Variants in RUNDC3B observed in about 807,000 individuals in gnomAD.
The protein encoded by RUNDC3B is RUN domain containing 3B.
Under a neutral mutation model 58.4 loss-of-function variants are expected in RUNDC3B, and 33 were observed. The ratio of observed to expected loss-of-function variants is 0.56; its 90% confidence interval spans 0.43 to 0.75. The LOEUF is 0.75. Among genes scored for constraint, RUNDC3B ranks in the 30% least tolerant of loss-of-function variants. The probability of loss-of-function intolerance (pLI) is 0.00; values close to 1 mark genes in which losing one functional copy is unlikely to be tolerated. For synonymous variants in RUNDC3B, 193 were observed against 195.2 expected, an observed-to-expected ratio of 0.99 and a Z score of 0.10; for missense variants, 501 against 535.7, an observed-to-expected ratio of 0.94 and a Z score of 0.64.
chr7:87,698,275 C>T (rs1021339666), intron 2 of RUNDC3B, among the ~76,000 whole-genome samples: 1 of 151,952 alleles, frequency 6.6e-6, no homozygotes, highest in Non-Finnish European at 1.5e-5. Flanking sequence ...AATTTCTTTG[C>T]ACTTTTAGTA....
At chr7:87,720,947 A>C in intron 4 of RUNDC3B, among the ~76,000 whole-genome samples, 1 of 318 alleles carries the variant, frequency 3.1e-3, no homozygotes, top group Non-Finnish European at 7.8e-3. Flanking sequence ...AAAATTAGCT[A>C]TTTTAACTAT....
At chr7:87,754,562 C>T (rs556375577) in intron 6 of RUNDC3B, among the ~76,000 whole-genome samples, 1 of 152,230 alleles carries the variant, frequency 6.6e-6, no homozygotes, top group East Asian at 1.9e-4. Context: ...CACCCCAAAG[C>T]TAGCAAAAGA....
chr7:87,696,625 T>G (rs891937290), intron 2 of RUNDC3B, among the ~76,000 whole-genome samples: 1 of 152,074 alleles, frequency 6.6e-6, no homozygotes, highest in Non-Finnish European at 1.5e-5. Flanking sequence ...ATGTGAAAAA[T>G]TCAGTGTCTT....
chr7:87,815,912 ACT>A (rs1837002904), intron 9 of RUNDC3B, among the ~76,000 whole-genome samples: 3 of 151,610 alleles, frequency 2.0e-5, no homozygotes, highest in African/African-American at 7.3e-5. Context: ...TGTCTGACAA[ACT>A]CTTTTTTTTT....
At chr7:87,742,454 T>C (rs1334403111) in intron 6 of RUNDC3B, among the ~76,000 whole-genome samples, 2 of 152,134 alleles carry the variant, frequency 1.3e-5, no homozygotes, top group Admixed American at 6.5e-5. Context: ...GAATATACGA[T>C]GTTTGGTTTT....
intron 7 of RUNDC3B, among the ~76,000 whole-genome samples, chr7:87,773,930 G>A (rs545566914): frequency 6.6e-6 from 1 of 152,072 alleles, no homozygotes; most frequent in South Asian, 2.1e-4. Context: ...TGCCCAACTC[G>A]GCCTCCCAAA....
chr7:87,730,297 G>T (rs767887947), intron 4 of RUNDC3B, among the ~76,000 whole-genome samples: 62 of 152,204 alleles, frequency 4.1e-4, no homozygotes, highest in Middle Eastern at 3.4e-3. Flanking sequence ...CCAGTTCTAG[G>T]CCCTGGCTCT....
At chr7:87,753,542 A>T (rs976240475) in intron 6 of RUNDC3B, among the ~76,000 whole-genome samples, 2 of 152,174 alleles carry the variant, frequency 1.3e-5, no homozygotes, top group African/African-American at 4.8e-5. Context: ...GACTTACTTT[A>T]TGAATCTGGG....
chr7:87,709,636 A>G (rs1035495079), intron 3 of RUNDC3B: 10 of 427,418 alleles, frequency 2.3e-5, no homozygotes, highest in Non-Finnish European at 2.8e-5. Flanking sequence ...TTCCTATCCC[A>G]TAGTTTGGTG....
Position 87,690,593 on chromosome 7 carries a change from A to G in RUNDC3B, c.239-9828A>G, listed in dbSNP as rs191568480. On this transcript the variant is annotated intron_variant, in intron 2 of 10. Transcript: ENST00000394654. ...TGTTAAAAGATGAAAAATGCTGTATAAAAGATAGTCTCATTGTTAGCTGAA... is the reference window on the plus strand; with the variant it reads ...TGTTAAAAGATGAAAAATGCTGTATGAAAGATAGTCTCATTGTTAGCTGAA... Among the ~76,000 whole-genome samples the G allele has an allele frequency of 3.5e-4, 53 of 152,296 alleles. 1 individual carries two copies. The East Asian group carries it at 8.7e-3, about 25-fold the overall frequency.
chr7:87,717,897 T>C (rs1441421540), intron 4 of RUNDC3B, among the ~76,000 whole-genome samples: 1 of 152,044 alleles, frequency 6.6e-6, no homozygotes, highest in African/African-American at 2.4e-5. Context: ...AAAAGAAAAT[T>C]ATAGACAAAT....
Position 87,830,034 on chromosome 7 carries a change from T to C in RUNDC3B, c.*4T>C. 6.4e-7 allele frequency: 1 copy of C among 1,562,192 alleles called. No individual in the cohort carries two copies. Among genetic ancestry groups the C allele is most frequent in the South Asian group, 1.2e-5 (1 of 81,962 alleles). On this transcript the variant is annotated 3_prime_UTR_variant, in exon 11 of 11. Transcript: ENST00000394654. ...TCCAGGCCTAACTCCATCCTGAAAA[T>C]TTTTGTGTAAAAGCCAAAACTTTTT...
At chr7:87,767,091 GT>G (rs1225196204) in intron 6 of RUNDC3B, among the ~76,000 whole-genome samples, 1 of 151,972 alleles carries the variant, frequency 6.6e-6, no homozygotes, top group African/African-American at 2.4e-5. Flanking sequence ...TTCAAGTTCT[GT>G]TTGGTTTTTA....
rs571043966 is a variant in RUNDC3B at position 87,691,734 on chromosome 7, T to A, written c.239-8687T>A. Among the ~76,000 whole-genome samples, 91 of 152,280 alleles carry A rather than the reference T, an allele frequency of 6.0e-4. 1 individual carries two copies. The highest frequency in any genetic ancestry group is 2.2e-3 in the African/African-American group (90 of 41,570). ...TTTCACTACCTCATGTTTTTCCCCC[T>A]TCTTTCTGGGGTTGTCAGTGAGAAC... On this transcript the variant is annotated intron_variant, in intron 2 of 10. Transcript: ENST00000394654.
At chr7:87,732,250 T>A (rs1269211042) in intron 4 of RUNDC3B, among the ~76,000 whole-genome samples, 1 of 152,016 alleles carries the variant, frequency 6.6e-6, no homozygotes, top group Non-Finnish European at 1.5e-5. Flanking sequence ...GTGGTATTCC[T>A]CAAAAGCAGT....
rs543862428 is a variant in RUNDC3B, at chr7:87,655,344, A to AT, written c.238+4408dup. ...TAATTGTCCATCTACTGATGAGTCG[A>AT]TAAAAAAAAAGTTGCGTATATAAAC... is the stretch of plus-strand genomic sequence containing the variant. On this transcript the variant is annotated intron_variant, in intron 2 of 10. Coordinates refer to ENST00000394654, the MANE Select transcript of RUNDC3B (RefSeq NM_001134405.2). Among the ~76,000 whole-genome samples the AT allele has an allele frequency of 2.6e-4, 39 of 152,238 alleles. No homozygotes were observed. In the East Asian group the frequency reaches 7.0e-3, roughly 27 times the overall value.
At chr7:87,694,107 T>C in intron 2 of RUNDC3B, 3 of 1,445,946 alleles carry the variant, frequency 2.1e-6, no homozygotes, top group Non-Finnish European at 2.7e-6. Context: ...TTTGTTTTTT[T>C]TTTTTAATCC....
In RUNDC3B at chr7:87,715,189, TTA is replaced by T. The variant is rs1434651717; in HGVS notation, c.458+4543_458+4544del. Among the ~76,000 whole-genome samples, 6 of 139,798 alleles carry T rather than the reference TTA, an allele frequency of 4.3e-5. No homozygotes were observed. In the East Asian group the frequency reaches 1.2e-3, roughly 28 times the overall value. 91.7% of individuals were successfully genotyped at this position (139,798 alleles called of 152,430 possible). On this transcript the variant is annotated intron_variant, in intron 4 of 10. Transcript: ENST00000394654. ...ATAAAGGATGAGGGAAATATAAATA[TTA>T]TATATATAATATTATAAATATATAA...
intron 8 of RUNDC3B, among the ~76,000 whole-genome samples, chr7:87,781,515 A>G (rs1834920456): frequency 6.6e-6 from 1 of 152,038 alleles, no homozygotes; most frequent in African/African-American, 2.4e-5. Context: ...GACTTCTAGT[A>G]CTATGTTGAA....
Sources: gnomAD v4.1 joint callset for allele counts (sites outside exome capture counted in the v4.1 genomes callset) on GRCh38, gnomAD v4.1.1 for gene constraint, MANE v1.5 for transcripts, NCBI Gene and HGNC (gene_info 2026-07-23, HGNC 2026-07-21) for gene names.